The following STK32B variants were observed in gnomAD, a reference collection of about 807,000 sequenced individuals.
STK32B encodes the protein serine/threonine kinase 32B.
A neutral mutation model predicts 52.6 loss-of-function variants in STK32B; 43 were observed. The observed-to-expected ratio is 0.82, with a 90% CI of 0.64 to 1.05. The LOEUF (loss-of-function observed/expected upper bound fraction) is 1.05. Ranked by LOEUF, STK32B falls within the 50% of genes least tolerant of loss-of-function variation. The pLI, the probability that STK32B is intolerant of heterozygous loss-of-function variation, is 0.00. For synonymous variants in STK32B, 238 were observed against 204.3 expected (o/e 1.17, Z -1.41); for missense variants, 621 against 534.6 (o/e 1.16, Z -1.59).
At chr4:5,128,254 G>A (rs1309747172) in intron 1 of STK32B, among the ~76,000 whole-genome samples, 2 of 152,226 alleles carry the variant, frequency 1.3e-5, no homozygotes, top group African/African-American at 4.8e-5. Flanking sequence ...CATGTAATTG[G>A]TGGTAGCTTG....
In STK32B at chr4:5,244,883, G is replaced by A. The variant is rs186237409; in HGVS notation, c.260+76433G>A. On this transcript the variant is annotated intron_variant, in intron 3 of 11. Transcript: ENST00000282908. Reference sequence around the variant, plus strand: ...TTGTTAAGTTTCCATGTAGTTGAGCGGTTTTGAGTGAGTTTCTGAATCCTG... The same window carrying A: ...TTGTTAAGTTTCCATGTAGTTGAGCAGTTTTGAGTGAGTTTCTGAATCCTG... Among the ~76,000 whole-genome samples the A allele has an allele frequency of 2.3e-4, 35 of 152,264 alleles. No homozygotes were observed. In the East Asian group the frequency reaches 5.4e-3, roughly 24 times the overall value.
At position 5,443,197 on chromosome 4, in the gene STK32B, TG is replaced by T. The variant is rs1197530011; in HGVS notation, c.563-3475del. On this transcript the variant is annotated intron_variant, in intron 6 of 11. Coordinates refer to ENST00000282908, the MANE Select transcript of STK32B (RefSeq NM_018401.3). ...TTCTCCTGGATAATATCCTGCAGAG[TG>T]TTTTCCAACTTGGTTCCATTCTCCC... is the stretch of plus-strand genomic sequence containing the variant. Among the ~76,000 whole-genome samples the T allele has an allele frequency of 5.4e-5, 8 of 148,224 alleles. No individual in the cohort carries two copies. The South Asian group carries it at 1.8e-3, about 34-fold the overall frequency.
In STK32B at chr4:5,500,670, A is replaced by AAAAG. The variant is rs979594934; in HGVS notation, c.*1591_*1594dup. 6.6e-6 allele frequency: 1 copy of AAAAG among 152,148 alleles called. No homozygotes were observed. The highest frequency in any genetic ancestry group is 2.1e-4 in the South Asian group (1 of 4,826). 9.4% of individuals were successfully genotyped at this position (152,148 alleles called of 1,614,324 possible). On this transcript the variant is annotated 3_prime_UTR_variant, in exon 12 of 12. Transcript: ENST00000282908. Reference sequence around the variant, plus strand: ...TAGGTTTTATATTTTTATTTTTTAAAAAAGAAATAGTCAGTGTTTTCCTCC... The same window carrying AAAAG: ...TAGGTTTTATATTTTTATTTTTTAAAAAAGAAAGAAATAGTCAGTGTTTTCCTCC...
At chr4:5,447,759 G>A (rs1577518389) in intron 7 of STK32B, among the ~76,000 whole-genome samples, 1 of 152,214 alleles carries the variant, frequency 6.6e-6, no homozygotes, top group Admixed American at 6.5e-5. Flanking sequence ...TTATAACGGG[G>A]ATAATAAGAT....
intron 3 of STK32B, among the ~76,000 whole-genome samples, chr4:5,188,906 T>C (rs1183294311): frequency 6.6e-6 from 1 of 151,626 alleles, no homozygotes; most frequent in Non-Finnish European, 1.5e-5. Context: ...GAGAAATACC[T>C]AATGTAAATG....
At chr4:5,389,705 G>C (rs540929742) in intron 4 of STK32B, among the ~76,000 whole-genome samples, 1 of 152,056 alleles carries the variant, frequency 6.6e-6, no homozygotes, top group East Asian at 1.9e-4. Context: ...TACCTGGAAG[G>C]GCTGTGCAAT....
chr4:5,128,252 T>C (rs1577087327), intron 1 of STK32B, among the ~76,000 whole-genome samples: 1 of 152,218 alleles, frequency 6.6e-6, no homozygotes, highest in East Asian at 1.9e-4. Flanking sequence ...GCCATGTAAT[T>C]GGTGGTAGCT....
At chr4:5,238,727 G>A (rs4343673) in intron 3 of STK32B, among the ~76,000 whole-genome samples, 12,264 of 152,184 alleles carry the variant, frequency 0.081, 962 homozygotes, top group African/African-American at 0.2. Context: ...TAGGTGGGCC[G>A]TAATAAATTT....
intron 2 of STK32B, among the ~76,000 whole-genome samples, chr4:5,142,193 A>G (rs1455321070): frequency 2.0e-5 from 3 of 152,180 alleles, no homozygotes; most frequent in Non-Finnish European, 4.4e-5. Context: ...AGTGATCCCT[A>G]CTGACCAGAA....
At chr4:5,294,920 A>T (rs1023534590) in intron 3 of STK32B, among the ~76,000 whole-genome samples, 1 of 151,998 alleles carries the variant, frequency 6.6e-6, no homozygotes, top group East Asian at 1.9e-4. Context: ...TGTCATAAAT[A>T]CCTCTCATTA....
intron 8 of STK32B, among the ~76,000 whole-genome samples, chr4:5,459,457 C>T (rs1438582432): frequency 1.3e-5 from 2 of 152,192 alleles, no homozygotes; most frequent in African/African-American, 2.4e-5. Context: ...ATGACAGTCC[C>T]GGGGCCAGGC....
chr4:5,181,899 G>C (rs1720394692), intron 3 of STK32B, among the ~76,000 whole-genome samples: 1 of 152,280 alleles, frequency 6.6e-6, no homozygotes, highest in Admixed American at 6.5e-5. Flanking sequence ...TTCCTTTGAC[G>C]AAAGATTTCT....
chr4:5,087,573 A>G (rs576992524), intron 1 of STK32B, among the ~76,000 whole-genome samples: 1 of 140,854 alleles, frequency 7.1e-6, no homozygotes, highest in Non-Finnish European at 1.5e-5. Flanking sequence ...GGGACAAATA[A>G]TTTGATAGAT....
intron 4 of STK32B, among the ~76,000 whole-genome samples, chr4:5,364,407 C>T (rs1328487298): frequency 1.3e-5 from 2 of 152,202 alleles, no homozygotes; most frequent in Admixed American, 6.5e-5. Context: ...CTTCATTTGT[C>T]AAACATGCAC....
chr4:5,370,984 A>ATGTGTGTGTGTGTG (rs149501017), intron 4 of STK32B, among the ~76,000 whole-genome samples: 3 of 145,316 alleles, frequency 2.1e-5, no homozygotes, highest in African/African-American at 2.6e-5. Flanking sequence ...ATATATATAT[A>ATGTGTGTGTGTGTG]TGTGTGTGTG....
At chr4:5,194,916 A>G (rs1053956670) in intron 3 of STK32B, among the ~76,000 whole-genome samples, 5 of 152,224 alleles carry the variant, frequency 3.3e-5, no homozygotes, top group African/African-American at 9.6e-5. Context: ...GACAGCATCT[A>G]GGGGTGGTGC....
chr4:5,221,842 A>T (rs1336561498), intron 3 of STK32B, among the ~76,000 whole-genome samples: 1 of 123,110 alleles, frequency 8.1e-6, no homozygotes, highest in African/African-American at 3.3e-5. Flanking sequence ...GAGACAGAGC[A>T]AGACTCTGTC....
intron 3 of STK32B, among the ~76,000 whole-genome samples, chr4:5,227,817 G>A (rs1409106794): frequency 6.6e-6 from 1 of 152,148 alleles, no homozygotes; most frequent in Non-Finnish European, 1.5e-5. Flanking sequence ...ATTCATCAGT[G>A]CCATTCTTAA....
rs372355320 is a variant in STK32B, at chr4:5,467,420, A to G, written c.1041+586A>G. On this transcript the variant is annotated intron_variant, in intron 10 of 11. Coordinates refer to ENST00000282908, the MANE Select transcript of STK32B (RefSeq NM_018401.3). The surrounding 1 kb of genome is among the most constrained non-coding windows in gnomAD (Gnocchi z 5.8). The stretch of plus-strand genomic sequence containing the variant: ...CATGGTTCCAGTCTCTCCCTCCGTC[A>G]CTGCATGGCCTTATTCTCTGTGTCT... Among the ~76,000 whole-genome samples the G allele has an allele frequency of 8.5e-5, 13 of 152,174 alleles. No individual in the cohort carries two copies. Among genetic ancestry groups the G allele is most frequent in the Middle Eastern group, 3.4e-3 (1 of 294 alleles).
Sources: allele counts gnomAD v4.1 joint callset (sites outside exome capture counted in the v4.1 genomes callset), GRCh38; gene constraint gnomAD v4.1.1; non-coding constraint Gnocchi (gnomAD v3.1); transcripts MANE v1.5; gene names NCBI Gene and HGNC (gene_info 2026-07-23, HGNC 2026-07-21).